The following ANKRD11 variants were observed in gnomAD, a reference collection of about 807,000 sequenced individuals.
ANKRD11 encodes the protein ankyrin repeat domain 11.
A neutral mutation model predicts 195.7 loss-of-function variants in ANKRD11; 17 were observed. The observed-to-expected ratio is 0.09, with a 90% CI of 0.06 to 0.13. The LOEUF (loss-of-function observed/expected upper bound fraction) is 0.13, where lower values mean the gene tolerates loss of function less well. Among genes scored for constraint, ANKRD11 ranks in the 10% least tolerant of loss-of-function variants. The probability of loss-of-function intolerance (pLI) is 1.00; values close to 1 mark genes in which losing one functional copy is unlikely to be tolerated. For missense variants in ANKRD11, 3,735 were observed against 3,566.1 expected, an observed-to-expected ratio of 1.05 and a Z score of -1.21; for synonymous variants, 1,953 against 1,528.1, an observed-to-expected ratio of 1.28 and a Z score of -6.49.
intron 2 of ANKRD11, among the ~76,000 whole-genome samples, chr16:89,380,536 A>G (rs1211485017): frequency 7.0e-6 from 1 of 143,154 alleles, no homozygotes; most frequent in African/African-American, 2.7e-5. Context: ...AACGGGACAC[A>G]GGGCACGAAG....
At position 89,283,576 on chromosome 16, in the gene ANKRD11, G is replaced by A. The variant is rs368190149; in HGVS notation, c.2966C>T (p.Ser989Phe). The part of the protein sequence containing the change: ...CGCESGFKDK[S>F]DGDFGKGLEP... ...CAGGCCCTTCCCAAAGTCGCCGTCG[G>A]ACTTGTCCTTGAAGCCACTCTCGCA... is the stretch of plus-strand genomic sequence containing the variant. The change falls in exon 9 of 13, where the codon TCC (serine) becomes TTC (phenylalanine). Residue 989 changes from serine to phenylalanine, a missense_variant. Transcript: ENST00000301030. This position sits in a 1 kb window ranked among gnomAD's most constrained non-coding sequence, Gnocchi z 4.3. The A allele has an allele frequency of 7.5e-6, 12 of 1,610,706 alleles. No homozygotes were observed. Among genetic ancestry groups the A allele is most frequent in the Non-Finnish European group, 1.0e-5 (12 of 1,180,004 alleles).
At chr16:89,432,987 TCTCCTCTCTCTCA>T (rs2043060336) in intron 1 of ANKRD11, among the ~76,000 whole-genome samples, 1 of 128,770 alleles carries the variant, frequency 7.8e-6, no homozygotes, top group African/African-American at 3.4e-5. Flanking sequence ...TCTCTCTCTC[TCTCCTCTCTCTCA>T]CACACACACA....
At chr16:89,449,955 T>C (rs1408281272) in intron 1 of ANKRD11, among the ~76,000 whole-genome samples, 1 of 152,178 alleles carries the variant, frequency 6.6e-6, no homozygotes, top group Admixed American at 6.6e-5. Flanking sequence ...CTGAGCACCC[T>C]GAGGGAGCCC....
chr16:89,401,301 A>G (rs530791538), intron 2 of ANKRD11, among the ~76,000 whole-genome samples: 17 of 151,600 alleles, frequency 1.1e-4, no homozygotes, highest in Admixed American at 2.6e-4. Context: ...CTGGTCTCGA[A>G]CTCCTGACCT....
At chr16:89,328,490 G>A (rs367922738) in intron 2 of ANKRD11, among the ~76,000 whole-genome samples, 4 of 152,224 alleles carry the variant, frequency 2.6e-5, no homozygotes, top group East Asian at 3.8e-4. Flanking sequence ...TTCACATCAC[G>A]GCATCCCCTC....
rs2032839079 is a variant in ANKRD11, at chr16:89,268,624, G to A, written c.7846C>T (p.Leu2616=). ...CACTCCATCCTCTGCACGGCGTTCA[G>A]GGCCGCGGCCTCGTGCTGCTGCCGC... is the stretch of plus-strand genomic sequence containing the variant. ...LMRQQHEAAA[L]NAVQRMEWQL... The change falls in exon 13 of 13, where the codon CTG becomes TTG. Residue 2616 remains leucine, a synonymous_variant. Transcript: ENST00000301030. The A allele has an allele frequency of 1.3e-6, 2 of 1,568,998 alleles. No individual in the cohort carries two copies. Among genetic ancestry groups the A allele is most frequent in the Non-Finnish European group, 1.7e-6 (2 of 1,157,452 alleles).
In ANKRD11 at chr16:89,281,557, G is replaced by C; in HGVS notation, c.4985C>G (p.Pro1662Arg). 2.5e-6 allele frequency: 4 copies of C among 1,614,212 alleles called. No individual in the cohort carries two copies. The highest frequency in any genetic ancestry group is 3.4e-6 in the Non-Finnish European group (4 of 1,180,042). ...KKLKESTPIP[P>R]AAENKLHPAS... ...TGGGTGTAGCTTATTTTCCGCGGCA[G>C]GTGGAATAGGAGTCGACTCTTTGAG... The change falls in exon 9 of 13, where the codon CCT becomes CGT. Residue 1662 changes from proline (P) to arginine (R), a missense_variant. By Grantham distance (103) the Pro-to-Arg change is moderately radical. Coordinates refer to ENST00000301030, the MANE Select transcript of ANKRD11 (RefSeq NM_013275.6). The surrounding 1 kb of genome is among the most constrained non-coding windows in gnomAD (Gnocchi z 5.5).
chr16:89,487,788 A>G (rs1039205205), intron 1 of ANKRD11, among the ~76,000 whole-genome samples: 3 of 152,192 alleles, frequency 2.0e-5, no homozygotes, highest in Admixed American at 6.5e-5. Flanking sequence ...AAAATAAAAT[A>G]AAATAAAAAG....
At chr16:89,417,661 G>A (rs2042361892) in intron 2 of ANKRD11, among the ~76,000 whole-genome samples, 1 of 152,170 alleles carries the variant, frequency 6.6e-6, no homozygotes, top group African/African-American at 2.4e-5. Context: ...AGAGGGTTCA[G>A]CAACAGCACT....
intron 3 of ANKRD11, among the ~76,000 whole-genome samples, chr16:89,310,625 T>C (rs540220577): frequency 1.1e-3 from 175 of 152,362 alleles, no homozygotes; most frequent in Non-Finnish European, 2.1e-3. Flanking sequence ...TTCTCAGGAA[T>C]ATTTTGCAGC....
intron 11 of ANKRD11, among the ~76,000 whole-genome samples, chr16:89,273,969 G>C (rs956767267): frequency 2.6e-5 from 4 of 152,206 alleles, no homozygotes; most frequent in Admixed American, 2.6e-4. Context: ...CACTGCACAG[G>C]ATGTGGGGCC....
chr16:89,420,319 A>AT (rs887838043), intron 1 of ANKRD11: 1 of 152,184 alleles, frequency 6.6e-6, no homozygotes, highest in African/African-American at 2.4e-5. Context: ...TGCCACTGGC[A>AT]TTTGGGTTCA....
chr16:89,460,219 C>T (rs543777767), intron 1 of ANKRD11, among the ~76,000 whole-genome samples: 1 of 151,692 alleles, frequency 6.6e-6, no homozygotes. Context: ...GCCTGGGCAA[C>T]AGACTAAGAC....
chr16:89,312,928 G>A (rs1461573660), intron 3 of ANKRD11, among the ~76,000 whole-genome samples: 1 of 152,234 alleles, frequency 6.6e-6, no homozygotes, highest in African/African-American at 2.4e-5. Context: ...GCTATCTTCG[G>A]GGAGGGGCCT....
intron 2 of ANKRD11, among the ~76,000 whole-genome samples, chr16:89,384,097 G>A (rs1365062191): frequency 2.0e-5 from 3 of 152,200 alleles, no homozygotes; most frequent in African/African-American, 7.2e-5. Flanking sequence ...GCAGGCGCTT[G>A]TAATCCCAGC....
At chr16:89,315,125 T>C (rs1207985649) in intron 3 of ANKRD11, among the ~76,000 whole-genome samples, 1 of 152,112 alleles carries the variant, frequency 6.6e-6, no homozygotes, top group African/African-American at 2.4e-5. Flanking sequence ...AACCACACCA[T>C]ACACGACCTC....
At chr16:89,342,138 C>G (rs1259615343) in intron 2 of ANKRD11, among the ~76,000 whole-genome samples, 1 of 152,210 alleles carries the variant, frequency 6.6e-6, no homozygotes, top group African/African-American at 2.4e-5. Context: ...TCCCTTCTCT[C>G]AGGGCCCTTC....
chr16:89,313,182 C>T, intron 3 of ANKRD11: 1 of 928,036 alleles, frequency 1.1e-6, no homozygotes, highest in Non-Finnish European at 1.4e-6. Context: ...AAGTGAAGCT[C>T]AGGGGGCTGT....
chr16:89,286,736 T>C (rs749840960), intron 7 of ANKRD11: 2 of 1,286,076 alleles, frequency 1.6e-6, no homozygotes, highest in Non-Finnish European at 2.0e-6. Context: ...TTTACAAGGG[T>C]AAGGGTGGTC....
Sources: allele counts gnomAD v4.1 joint callset (sites outside exome capture counted in the v4.1 genomes callset), GRCh38; gene constraint gnomAD v4.1.1; non-coding constraint Gnocchi (gnomAD v3.1); transcripts MANE v1.5; gene names NCBI Gene and HGNC (gene_info 2026-07-23, HGNC 2026-07-21).